The following DNM3 variants were observed in gnomAD, a reference collection of about 807,000 sequenced individuals.
The protein encoded by DNM3 is dynamin 3.
Under a neutral mutation model 101.6 loss-of-function variants are expected in DNM3, and 47 were observed. The ratio of observed to expected loss-of-function variants is 0.46; its 90% CI spans 0.37 to 0.59. DNM3 has a LOEUF of 0.59. DNM3 is among the 20% of genes least tolerant of loss of function. The pLI, the probability that DNM3 is intolerant of heterozygous loss-of-function variation, is 0.00. For synonymous variants in DNM3, 385 were observed against 387.9 expected, an observed-to-expected ratio of 0.99 and a Z score of 0.09; for missense variants, 849 against 1,085.7, an observed-to-expected ratio of 0.78 and a Z score of 3.06.
intron 20 of DNM3, among the ~76,000 whole-genome samples, chr1:172,392,273 G>A (rs1013771343): frequency 1.3e-5 from 2 of 152,174 alleles, no homozygotes; most frequent in African/African-American, 4.8e-5. Flanking sequence ...TCACTAGTAT[G>A]TATGCTTCTG....
At chr1:171,878,337 C>T (rs1264309692) in intron 1 of DNM3, among the ~76,000 whole-genome samples, 2 of 151,006 alleles carry the variant, frequency 1.3e-5, no homozygotes, top group Non-Finnish European at 1.5e-5. Flanking sequence ...TAATAAGGTA[C>T]TTTGTACAAA....
At chr1:171,991,988 A>T (rs1424028271) in intron 4 of DNM3, among the ~76,000 whole-genome samples, 1 of 152,186 alleles carries the variant, frequency 6.6e-6, no homozygotes, top group Non-Finnish European at 1.5e-5. Flanking sequence ...TTTAAGATAA[A>T]TTCTTTTCAA....
rs1377588696 is a variant in DNM3, at chr1:171,846,603, G to A, written c.161+4786G>A. Among the ~76,000 whole-genome samples, 15 of 152,136 alleles carry A rather than the reference G, an allele frequency of 9.9e-5. No individual in the cohort carries two copies. In the East Asian group the frequency reaches 2.7e-3, roughly 27 times the overall value. On this transcript the variant is annotated intron_variant, in intron 1 of 20. Transcript: ENST00000627582. ...TTTATTATTGTCATTTATTTTAGAG[G>A]GACTTCAAGTATCTAGAAAGAAATA...
intron 20 of DNM3, among the ~76,000 whole-genome samples, chr1:172,401,574 T>C (rs1284113404): frequency 2.0e-5 from 3 of 152,202 alleles, no homozygotes; most frequent in Non-Finnish European, 4.4e-5. Flanking sequence ...CATTATAAAA[T>C]CATGGGTTCA....
intron 14 of DNM3, among the ~76,000 whole-genome samples, chr1:172,243,065 G>A (rs2061809084): frequency 6.6e-6 from 1 of 152,074 alleles, no homozygotes; most frequent in South Asian, 2.1e-4. Flanking sequence ...AGGTTTGGGA[G>A]AAGGAGAAGA....
chr1:172,048,577 A>G, intron 9 of DNM3, 35 bp from the exon 10 acceptor site: 1 of 1,565,396 alleles, frequency 6.4e-7, no homozygotes, highest in Admixed American at 2.1e-5. Flanking sequence ...CTCAATTAAA[A>G]AAATCTCATG....
At chr1:171,925,178 G>C (rs1315217929) in intron 2 of DNM3, among the ~76,000 whole-genome samples, 2 of 149,474 alleles carry the variant, frequency 1.3e-5, no homozygotes, top group African/African-American at 2.5e-5. Context: ...TGGGATTACA[G>C]GCATGAGCCA....
At chr1:172,115,929 C>T (rs571881803) in intron 13 of DNM3, among the ~76,000 whole-genome samples, 129 of 152,130 alleles carry the variant, frequency 8.5e-4, no homozygotes, top group African/African-American at 3.1e-3. Flanking sequence ...CAACTCTACC[C>T]CAACTGGAGA....
At chr1:172,235,977 C>G (rs2061527916) in intron 14 of DNM3, among the ~76,000 whole-genome samples, 1 of 152,082 alleles carries the variant, frequency 6.6e-6, no homozygotes, top group Admixed American at 6.6e-5. Context: ...CACATGTACC[C>G]TAAAACTTAA....
At chr1:172,327,506 T>G (rs1403185495) in intron 17 of DNM3, among the ~76,000 whole-genome samples, 1 of 152,178 alleles carries the variant, frequency 6.6e-6, no homozygotes, top group East Asian at 1.9e-4. Flanking sequence ...AAAATGTCTT[T>G]CTGATGATGC....
chr1:172,083,181 C>T (rs935393563), intron 12 of DNM3, among the ~76,000 whole-genome samples: 11 of 152,142 alleles, frequency 7.2e-5, no homozygotes, highest in Admixed American at 7.2e-4. Flanking sequence ...AACATACATC[C>T]TTATCCCTAG....
At chr1:171,931,117 T>C (rs1464079999) in intron 2 of DNM3, among the ~76,000 whole-genome samples, 1 of 152,098 alleles carries the variant, frequency 6.6e-6, no homozygotes. Context: ...GAAAAACTTA[T>C]GCTATGAAAA....
intron 11 of DNM3, among the ~76,000 whole-genome samples, chr1:172,069,765 G>T (rs2052008672): frequency 1.3e-5 from 2 of 152,104 alleles, no homozygotes; most frequent in Admixed American, 6.5e-5. Context: ...TCACTTCTTT[G>T]GACTGTTGTT....
intron 14 of DNM3, among the ~76,000 whole-genome samples, chr1:172,211,222 CAGAG>C (rs759749299): frequency 2.6e-5 from 4 of 152,072 alleles, no homozygotes; most frequent in Non-Finnish European, 5.9e-5. Flanking sequence ...AAAAAGAAGA[CAGAG>C]AGCGAGATTT....
At chr1:172,089,972 T>C (rs879262282) in intron 12 of DNM3, among the ~76,000 whole-genome samples, 3 of 152,238 alleles carry the variant, frequency 2.0e-5, no homozygotes, top group Admixed American at 1.3e-4. Flanking sequence ...GCTGAGCGAC[T>C]GAAGTCCATT....
chr1:172,387,595 C>G (rs564407552), intron 19 of DNM3, among the ~76,000 whole-genome samples: 13 of 150,780 alleles, frequency 8.6e-5, no homozygotes, highest in African/African-American at 3.2e-4. Context: ...GGAGGCAGAG[C>G]TTGCAGTGAG....
intron 1 of DNM3, among the ~76,000 whole-genome samples, chr1:171,919,278 G>C (rs548897018): frequency 6.6e-6 from 1 of 152,184 alleles, no homozygotes; most frequent in South Asian, 2.1e-4. Context: ...TCTACATTAG[G>C]TATTTCTCCT....
intron 4 of DNM3, among the ~76,000 whole-genome samples, chr1:172,030,029 C>T (rs1205845044): frequency 6.6e-6 from 1 of 152,194 alleles, no homozygotes; most frequent in Non-Finnish European, 1.5e-5. Context: ...CTACCACTGA[C>T]TTTCTTCAAA....
At chr1:172,300,385 T>A (rs2064384295) in intron 15 of DNM3, among the ~76,000 whole-genome samples, 1 of 152,206 alleles carries the variant, frequency 6.6e-6, no homozygotes, top group African/African-American at 2.4e-5. Flanking sequence ...TAGGAGATCT[T>A]TCGTTTAATT....
Sources: allele counts gnomAD v4.1 joint callset (sites outside exome capture counted in the v4.1 genomes callset), GRCh38; gene constraint gnomAD v4.1.1; transcripts MANE v1.5; gene names NCBI Gene and HGNC (gene_info 2026-07-23, HGNC 2026-07-21).